Variants in GRIA4 observed in about 807,000 individuals in gnomAD.
GRIA4 encodes the protein glutamate ionotropic receptor AMPA type subunit 4, also known as glutamate receptor 4.
Under a neutral mutation model 104.0 loss-of-function variants are expected in GRIA4, and 34 were observed. That is an observed-to-expected ratio of 0.33 (90% CI 0.25 to 0.44). GRIA4 has a LOEUF of 0.44. Ranked by LOEUF, GRIA4 falls within the 20% of genes least tolerant of loss-of-function variation. GRIA4 has a pLI of 1.00. For synonymous variants in GRIA4, 386 were observed against 381.9 expected (o/e 1.01, Z -0.13); for missense variants, 750 against 1,096.5 (o/e 0.68, Z 4.46).
chr11:105,846,171 C>T (rs1216307916), intron 4 of GRIA4, among the ~76,000 whole-genome samples: 1 of 152,054 alleles, frequency 6.6e-6, no homozygotes, highest in Non-Finnish European at 1.5e-5. Flanking sequence ...TCTGCATATA[C>T]CATTTCTTGT....
At chr11:105,670,595 C>T (rs1952327714) in intron 3 of GRIA4, among the ~76,000 whole-genome samples, 1 of 152,072 alleles carries the variant, frequency 6.6e-6, no homozygotes, top group South Asian at 2.1e-4. Context: ...ATTCTAAATA[C>T]CTGGGTATAT....
chr11:105,873,717 T>C (rs907620055), intron 5 of GRIA4, among the ~76,000 whole-genome samples: 2 of 152,230 alleles, frequency 1.3e-5, no homozygotes, highest in African/African-American at 4.8e-5. Flanking sequence ...AAAAATGTCT[T>C]CTTTTGAGAA....
At chr11:105,868,675 A>G (rs1432594335) in intron 5 of GRIA4, among the ~76,000 whole-genome samples, 1 of 152,138 alleles carries the variant, frequency 6.6e-6, no homozygotes, top group African/African-American at 2.4e-5. Flanking sequence ...CAGGCTGAAA[A>G]AAGCAAGAGT....
At chr11:105,871,445 T>G (rs1204249570) in intron 5 of GRIA4, among the ~76,000 whole-genome samples, 1 of 151,178 alleles carries the variant, frequency 6.6e-6, no homozygotes, top group Non-Finnish European at 1.5e-5. Context: ...GAGAGGTTTT[T>G]TTTTGTGTTT....
At chr11:105,929,095 A>G (rs1947800568) in intron 13 of GRIA4, among the ~76,000 whole-genome samples, 1 of 152,122 alleles carries the variant, frequency 6.6e-6, no homozygotes, top group Non-Finnish European at 1.5e-5. Flanking sequence ...TCAGGAATGC[A>G]TAAATTTGGG....
chr11:105,887,730 A>G (rs1946316643), intron 6 of GRIA4, among the ~76,000 whole-genome samples, 158 bp downstream of exon 6: 1 of 152,194 alleles, frequency 6.6e-6, no homozygotes, highest in African/African-American at 2.4e-5. Context: ...AAATTTCACC[A>G]GTAGAATTCA....
At chr11:105,917,721 T>C (rs944459842) in intron 10 of GRIA4, among the ~76,000 whole-genome samples, 3 of 152,120 alleles carry the variant, frequency 2.0e-5, no homozygotes, top group African/African-American at 4.8e-5. Context: ...ACCAGGTTTA[T>C]CTTTGGTTGG....
intron 3 of GRIA4, among the ~76,000 whole-genome samples, chr11:105,632,423 C>T (rs920312561): frequency 6.6e-5 from 10 of 152,172 alleles, no homozygotes; most frequent in Non-Finnish European, 1.0e-4. Context: ...AGAAACACTT[C>T]CATTCTTCCA....
rs569142037 is a variant in GRIA4 at position 105,739,660 on chromosome 11, C to T, written c.248-13321C>T. 3.3e-5 allele frequency among the ~76,000 whole-genome samples: 5 copies of T among 152,066 alleles called. No homozygotes were observed. The South Asian group carries it at 8.3e-4, about 25-fold the overall frequency. ...GGGTATAAATTAATGAATTCTGGGC[C>T]CAGCATGCCTATCCACCATCTGATT... is the stretch of plus-strand genomic sequence containing the variant. On this transcript the variant is annotated intron_variant, in intron 3 of 16. Transcript: ENST00000282499.
chr11:105,642,329 T>C (rs1951389040), intron 3 of GRIA4, among the ~76,000 whole-genome samples: 1 of 152,076 alleles, frequency 6.6e-6, no homozygotes, highest in South Asian at 2.1e-4. Flanking sequence ...TGGATCTTGA[T>C]TGAAATCCCT....
At chr11:105,628,439 G>A (rs982624124) in intron 3 of GRIA4, among the ~76,000 whole-genome samples, 1 of 152,008 alleles carries the variant, frequency 6.6e-6, no homozygotes, top group African/African-American at 2.4e-5. Context: ...CCCATGTGTC[G>A]TTGGAGAGAC....
intron 3 of GRIA4, among the ~76,000 whole-genome samples, chr11:105,734,801 A>G (rs2135626342): frequency 6.6e-6 from 1 of 152,270 alleles, no homozygotes; most frequent in South Asian, 2.1e-4. Flanking sequence ...GCATCCTTAT[A>G]CTATCCTTTA....
At chr11:105,637,619 A>G (rs984888842) in intron 3 of GRIA4, among the ~76,000 whole-genome samples, 1 of 152,212 alleles carries the variant, frequency 6.6e-6, no homozygotes, top group Non-Finnish European at 1.5e-5. Context: ...TAACATGTAG[A>G]CTAGAGAGTG....
chr11:105,675,006 C>T (rs988316171), intron 3 of GRIA4, among the ~76,000 whole-genome samples: 4 of 151,734 alleles, frequency 2.6e-5, no homozygotes, highest in Non-Finnish European at 5.9e-5. Flanking sequence ...GCATGGAGAA[C>T]ATTTTTTAAG....
intron 4 of GRIA4, among the ~76,000 whole-genome samples, chr11:105,789,173 T>C (rs1426606718): frequency 1.3e-5 from 2 of 152,054 alleles, no homozygotes; most frequent in African/African-American, 4.8e-5. Context: ...ATAGAACTGG[T>C]AAAAACCAAA....
At chr11:105,612,136 G>A in intron 2 of GRIA4, 140 bp from the exon 3 acceptor site, 1 of 712,572 alleles carries the variant, frequency 1.4e-6, no homozygotes, top group Non-Finnish European at 2.4e-6. Flanking sequence ...TAGGGACAAA[G>A]GGCAGTCTCC....
chr11:105,972,514 C>A (rs960863669), intron 15 of GRIA4, among the ~76,000 whole-genome samples: 1 of 152,106 alleles, frequency 6.6e-6, no homozygotes, highest in Middle Eastern at 3.4e-3. Context: ...GTTTGAAGAA[C>A]CTCCATTATA....
intron 3 of GRIA4, among the ~76,000 whole-genome samples, chr11:105,655,227 CA>C (rs1565438965): frequency 6.6e-6 from 1 of 152,062 alleles, no homozygotes. Flanking sequence ...TCGAATATAA[CA>C]AAGTTCTTTG....
At chr11:105,842,291 G>T (rs1944423815) in intron 4 of GRIA4, among the ~76,000 whole-genome samples, 1 of 152,182 alleles carries the variant, frequency 6.6e-6, no homozygotes, top group Non-Finnish European at 1.5e-5. Flanking sequence ...TGCCCTGAGG[G>T]ACATGGAAAG....
Sources: gnomAD v4.1 joint callset for allele counts (sites outside exome capture counted in the v4.1 genomes callset) on GRCh38, gnomAD v4.1.1 for gene constraint, MANE v1.5 for transcripts, NCBI Gene and HGNC (gene_info 2026-07-23, HGNC 2026-07-21) for gene names.